CALN1: variants seen among roughly 807,000 people sequenced by gnomAD.
CALN1 encodes the protein calneuron 1.
Under a neutral mutation model 30.6 loss-of-function variants are expected in CALN1, and 17 were observed. The ratio of observed to expected loss-of-function variants is 0.56; its 90% CI spans 0.38 to 0.83. The LOEUF (loss-of-function observed/expected upper bound fraction) is 0.83. Among genes scored for constraint, CALN1 ranks in the 40% least tolerant of loss-of-function variants. The probability of loss-of-function intolerance (pLI) is 0.00; values close to 1 mark genes in which losing one functional copy is unlikely to be tolerated. For missense variants in CALN1, 291 were observed against 354.9 expected (o/e 0.82, Z 1.45); for synonymous variants, 156 against 131.4 (o/e 1.19, Z -1.28).
intron 3 of CALN1, among the ~76,000 whole-genome samples, chr7:72,164,279 A>C (rs1445302018): frequency 6.6e-6 from 1 of 151,660 alleles, no homozygotes; most frequent in Non-Finnish European, 1.5e-5. Context: ...GAAGCAGCAG[A>C]ATCACTTGAA....
intron 3 of CALN1, among the ~76,000 whole-genome samples, chr7:72,136,010 G>A (rs886124237): frequency 1.3e-5 from 2 of 152,046 alleles, no homozygotes; most frequent in African/African-American, 4.8e-5. Flanking sequence ...GTAGATGCCT[G>A]TAATCCCAGC....
intron 5 of CALN1, among the ~76,000 whole-genome samples, chr7:71,958,065 CAAAA>C (rs56355838): frequency 2.0e-3 from 192 of 93,826 alleles, no homozygotes; most frequent in African/African-American, 7.3e-3. Flanking sequence ...AACTCCATCT[CAAAA>C]AAAAAAAAAA....
the CALN1 span, among the ~76,000 whole-genome samples, chr7:72,461,900 A>G: frequency 1.3e-5 from 2 of 152,032 alleles, no homozygotes; most frequent in African/African-American, 4.8e-5. Flanking sequence ...CCCAGCTACT[A>G]GGGAGGCGGA....
intron 5 of CALN1, among the ~76,000 whole-genome samples, chr7:71,946,824 G>A (rs755580354): frequency 5.3e-5 from 8 of 151,948 alleles, no homozygotes; most frequent in South Asian, 2.1e-4. Context: ...ATTCGGTGCC[G>A]TGAGTGATGG....
the CALN1 span, among the ~76,000 whole-genome samples, chr7:72,453,993 A>AAAATATATATAT: frequency 3.4e-5 from 5 of 148,216 alleles, no homozygotes; most frequent in African/African-American, 1.2e-4. Context: ...ACAACCAAAA[A>AAAATATATATAT]ATATATATAT....
intron 4 of CALN1, among the ~76,000 whole-genome samples, chr7:72,082,281 C>A (rs1805198987): frequency 6.6e-6 from 1 of 152,052 alleles, no homozygotes; most frequent in South Asian, 2.1e-4. Context: ...CCACCTCGCT[C>A]CGCCGGAACA....
At chr7:71,822,271 G>A (rs1377807392) in intron 5 of CALN1, among the ~76,000 whole-genome samples, 2 of 152,024 alleles carry the variant, frequency 1.3e-5, no homozygotes, top group Non-Finnish European at 2.9e-5. Context: ...CTTCTGAGAT[G>A]GCGTTTCGCT....
At chr7:72,371,753 A>G (rs1171008377) in intron 2 of CALN1, among the ~76,000 whole-genome samples, 2 of 152,240 alleles carry the variant, frequency 1.3e-5, no homozygotes, top group Non-Finnish European at 2.9e-5. Flanking sequence ...TTTCACTGAT[A>G]AAACTATGCT....
chr7:72,041,857 CCTT>C (rs1411908925), intron 4 of CALN1, among the ~76,000 whole-genome samples: 4 of 152,330 alleles, frequency 2.6e-5, no homozygotes, highest in Non-Finnish European at 4.4e-5. Context: ...CATGGCCTCT[CCTT>C]CTTTGCCTGC....
chr7:72,122,464 T>A (rs1308476262), intron 3 of CALN1, among the ~76,000 whole-genome samples: 2 of 151,988 alleles, frequency 1.3e-5, no homozygotes, highest in Non-Finnish European at 2.9e-5. Context: ...TGGCTGGGCA[T>A]GGTGGCTCAC....
At chr7:72,224,637 T>C (rs2129550158) in intron 3 of CALN1, among the ~76,000 whole-genome samples, 1 of 151,848 alleles carries the variant, frequency 6.6e-6, no homozygotes, top group South Asian at 2.1e-4. Context: ...CAAAATTAGC[T>C]GGGAGTGGTG....
chr7:72,363,671 T>C (rs987029291), intron 2 of CALN1, among the ~76,000 whole-genome samples: 2 of 151,850 alleles, frequency 1.3e-5, no homozygotes, highest in Non-Finnish European at 2.9e-5. Flanking sequence ...GGTGGGAATA[T>C]GTAGTAGCTA....
At chr7:71,822,069 T>C (rs906179498) in intron 5 of CALN1, among the ~76,000 whole-genome samples, 1 of 151,896 alleles carries the variant, frequency 6.6e-6, no homozygotes. Flanking sequence ...ACACCTGGCC[T>C]TTCTTTTGGT....
At chr7:72,390,281 A>G (rs1193259881) in intron 2 of CALN1, among the ~76,000 whole-genome samples, 2 of 152,070 alleles carry the variant, frequency 1.3e-5, no homozygotes, top group South Asian at 2.1e-4. Context: ...ATACAAAAAA[A>G]TTAGCGGGGC....
At chr7:71,896,463 C>G (rs1187019286) in intron 5 of CALN1, among the ~76,000 whole-genome samples, 1 of 152,142 alleles carries the variant, frequency 6.6e-6, no homozygotes, top group Admixed American at 6.5e-5. Flanking sequence ...CTTACAAGGC[C>G]TGATGCAACA....
At chr7:71,845,493 C>G (rs1790176076) in intron 5 of CALN1, among the ~76,000 whole-genome samples, 1 of 152,176 alleles carries the variant, frequency 6.6e-6, no homozygotes, top group Admixed American at 6.5e-5. Context: ...ACGGCCCAAG[C>G]CCTGGTCTCT....
chr7:72,280,748 T>C (rs1797677265), intron 2 of CALN1, among the ~76,000 whole-genome samples: 1 of 152,124 alleles, frequency 6.6e-6, no homozygotes, highest in Non-Finnish European at 1.5e-5. Context: ...TGCAACAGTG[T>C]TGAGAGGTGG....
intron 5 of CALN1, among the ~76,000 whole-genome samples, chr7:72,012,528 A>G (rs1326379511): frequency 6.6e-6 from 1 of 152,234 alleles, no homozygotes; most frequent in Non-Finnish European, 1.5e-5. Context: ...AAAACAAAAC[A>G]AAAATTACAT....
At chr7:71,847,874 T>G (rs1790411506) in intron 5 of CALN1, among the ~76,000 whole-genome samples, 1 of 137,336 alleles carries the variant, frequency 7.3e-6, no homozygotes, top group African/African-American at 2.7e-5. Context: ...AGTTTTCCCT[T>G]TTTGCTCGGC....
Sources: allele counts gnomAD v4.1 joint callset (sites outside exome capture counted in the v4.1 genomes callset), GRCh38; gene constraint gnomAD v4.1.1; transcripts MANE v1.5; gene names NCBI Gene and HGNC (gene_info 2026-07-23, HGNC 2026-07-21).